Variants in IMPA2 observed in about 807,000 individuals in gnomAD.
IMPA2 encodes the protein IMP 2.
IMPA2 carries 32 observed loss-of-function variants against 35.1 expected under a neutral mutation model. The ratio of observed to expected loss-of-function variants is 0.91; its 90% confidence interval spans 0.69 to 1.23. IMPA2 has a LOEUF of 1.23. Ranked by LOEUF, IMPA2 falls within the 50% of genes most tolerant of loss-of-function variation. The pLI, the probability that IMPA2 is intolerant of heterozygous loss-of-function variation, is 0.00. For synonymous variants in IMPA2, 135 were observed against 160.6 expected, an observed-to-expected ratio of 0.84 and a Z score of 1.20; for missense variants, 334 against 387.6, an observed-to-expected ratio of 0.86 and a Z score of 1.16.
At chr18:11,997,822 G>C (rs1280721485) in intron 1 of IMPA2, among the ~76,000 whole-genome samples, 1 of 152,210 alleles carries the variant, frequency 6.6e-6, no homozygotes, top group East Asian at 1.9e-4. Context: ...GTTTTTAGGT[G>C]CCCTGACTTT....
chr18:11,986,376 C>G (rs562566974), intron 1 of IMPA2, among the ~76,000 whole-genome samples: 1 of 152,316 alleles, frequency 6.6e-6, no homozygotes, highest in African/African-American at 2.4e-5. Flanking sequence ...TGGACCGCTT[C>G]TCAGGTGGCC....
chr18:12,027,214 G>T (rs1235119207), intron 5 of IMPA2, among the ~76,000 whole-genome samples: 2 of 152,208 alleles, frequency 1.3e-5, no homozygotes, highest in Non-Finnish European at 2.9e-5. Context: ...TGGGTGTGTG[G>T]CACAACAAGG....
intron 2 of IMPA2, among the ~76,000 whole-genome samples, chr18:12,004,183 G>C (rs1907191862): frequency 6.6e-6 from 1 of 152,158 alleles, no homozygotes; most frequent in African/African-American, 2.4e-5. Context: ...TGTGAAGATG[G>C]GGACAGAGTA....
intron 4 of IMPA2, among the ~76,000 whole-genome samples, chr18:12,013,866 C>T (rs1279802365): frequency 6.6e-6 from 1 of 152,202 alleles, no homozygotes; most frequent in African/African-American, 2.4e-5. Flanking sequence ...CCATTCTTCA[C>T]ACATCAGCAA....
At chr18:11,983,172 C>T (rs943969973) in intron 1 of IMPA2, among the ~76,000 whole-genome samples, 1 of 152,194 alleles carries the variant, frequency 6.6e-6, no homozygotes, top group African/African-American at 2.4e-5. Context: ...TGACCTTTCC[C>T]TCCTGTAGGA....
intron 5 of IMPA2, among the ~76,000 whole-genome samples, chr18:12,021,449 C>G (rs1278995440): frequency 1.3e-5 from 1 of 74,838 alleles, no homozygotes; most frequent in East Asian, 2.7e-4. Flanking sequence ...ATATATCCAA[C>G]AAAACCAGCT....
chr18:12,028,822 C>T lies in IMPA2; in HGVS notation c.600-20C>T. ...AGGCTCCACTCCCGCCTGCATCTGT[C>T]CTCCCTTCCCTCTCCCCAGGGTCCG... is the stretch of plus-strand genomic sequence containing the variant. On this transcript the variant is annotated intron_variant, in intron 6 of 7. Transcript: ENST00000269159. 6.2e-7 allele frequency: 1 copy of T among 1,611,986 alleles called. No individual in the cohort carries two copies. The highest frequency in any genetic ancestry group is 8.5e-7 in the Non-Finnish European group (1 of 1,179,002).
intron 2 of IMPA2, among the ~76,000 whole-genome samples, chr18:12,005,241 A>AG (rs1289462676): frequency 6.6e-6 from 1 of 152,230 alleles, no homozygotes; most frequent in Non-Finnish European, 1.5e-5. Context: ...GTGATGAGGA[A>AG]GACAGCTCTA....
chr18:11,992,997 C>T (rs535805563), intron 1 of IMPA2, among the ~76,000 whole-genome samples: 11 of 152,232 alleles, frequency 7.2e-5, no homozygotes, highest in African/African-American at 1.9e-4. Flanking sequence ...ATTGTATGTA[C>T]GGTAGGTTCT....
At chr18:11,987,241 CT>C (rs1906692340) in intron 1 of IMPA2, among the ~76,000 whole-genome samples, 1 of 152,244 alleles carries the variant, frequency 6.6e-6, no homozygotes, top group African/African-American at 2.4e-5. Context: ...GACATAGATG[CT>C]GCTAGTCTGG....
chr18:12,009,827 G>C (rs893758406), intron 2 of IMPA2, 56 bp from the exon 3 acceptor site: 2 of 1,348,020 alleles, frequency 1.5e-6, no homozygotes, highest in South Asian at 1.2e-5. Flanking sequence ...AGCAATTTCA[G>C]GCACGTTATT....
chr18:12,022,243 T>C (rs954395003), intron 5 of IMPA2, among the ~76,000 whole-genome samples: 1 of 151,896 alleles, frequency 6.6e-6, no homozygotes, highest in South Asian at 2.1e-4. Context: ...TAAAAAGATA[T>C]ACATTAGGCC....
At chr18:11,995,337 GA>G (rs1906930574) in intron 1 of IMPA2, among the ~76,000 whole-genome samples, 1 of 152,234 alleles carries the variant, frequency 6.6e-6, no homozygotes, top group African/African-American at 2.4e-5. Context: ...TTGAGGATGT[GA>G]CTCGGAAGTT....
At chr18:12,022,528 A>AATATATATATATATATAT (rs202132842) in intron 5 of IMPA2, among the ~76,000 whole-genome samples, 2 of 96,818 alleles carry the variant, frequency 2.1e-5, no homozygotes, top group African/African-American at 8.6e-5. Flanking sequence ...TCTCAAAAAG[A>AATATATATATATATATAT]ATATATATAT....
chr18:11,981,735 G>A lies in IMPA2; in HGVS notation c.66G>A (p.Ala22=). The change falls in exon 1 of 8, where the codon GCG becomes GCA. Residue 22 remains alanine, a synonymous_variant. Coordinates refer to ENST00000269159, the MANE Select transcript of IMPA2 (RefSeq NM_014214.3). ...AAGPWEECFQ[A]AVQLALRAGQ... is the part of the protein sequence containing the mutation. The stretch of plus-strand genomic sequence containing the variant: ...GCCCCTGGGAGGAGTGCTTCCAGGC[G>A]GCCGTGCAGCTGGCGCTGCGGGCAG... 8.1e-7 allele frequency: 1 copy of A among 1,229,576 alleles called. No individual in the cohort carries two copies. Among genetic ancestry groups the A allele is most frequent in the Non-Finnish European group, 1.0e-6 (1 of 986,422 alleles). 76.2% of individuals were successfully genotyped at this position (1,229,576 alleles called of 1,614,324 possible).
intron 2 of IMPA2, among the ~76,000 whole-genome samples, chr18:12,007,503 G>A (rs1907283672): frequency 6.6e-6 from 1 of 152,144 alleles, no homozygotes; most frequent in Admixed American, 6.5e-5. Flanking sequence ...GTGGCTTCCA[G>A]GAGGCTGATG....
chr18:12,022,848 C>A (rs1280827345), intron 5 of IMPA2, among the ~76,000 whole-genome samples: 1 of 149,962 alleles, frequency 6.7e-6, no homozygotes, highest in African/African-American at 2.4e-5. Flanking sequence ...GATCTTGGCT[C>A]ACTGCAACCT....
chr18:12,028,698 A>T, intron 6 of IMPA2, 144 bp from the exon 7 acceptor site: 1 of 952,166 alleles, frequency 1.1e-6, no homozygotes, highest in South Asian at 1.6e-5. Context: ...CCCTATATTC[A>T]GCCTCCAGAG....
At chr18:11,998,306 G>A (rs932123494) in intron 1 of IMPA2, among the ~76,000 whole-genome samples, 15 of 152,224 alleles carry the variant, frequency 9.9e-5, no homozygotes, top group African/African-American at 3.6e-4. Flanking sequence ...TGGGGTTCTT[G>A]GGACCATCCC....
Sources: allele counts gnomAD v4.1 joint callset (sites outside exome capture counted in the v4.1 genomes callset), GRCh38; gene constraint gnomAD v4.1.1; transcripts MANE v1.5; gene names NCBI Gene and HGNC (gene_info 2026-07-23, HGNC 2026-07-21).